Variants in UNG observed in about 807,000 individuals in gnomAD.
UNG encodes the protein uracil-DNA glycosylase.
In UNG, 34 loss-of-function variants were observed where a neutral mutation model predicts 36.5. The ratio of observed to expected loss-of-function variants is 0.93; its 90% confidence interval spans 0.71 to 1.24. UNG has a LOEUF of 1.24. Among genes scored for constraint, UNG ranks in the 50% most tolerant of loss-of-function variants. UNG has a pLI of 0.00. For synonymous variants in UNG, 172 were observed against 157.8 expected (o/e 1.09, Z -0.67); for missense variants, 391 against 397.6 (o/e 0.98, Z 0.14).
At position 109,109,895 on chromosome 12, in the gene UNG, T is replaced by G. The variant is rs749817306; in HGVS notation, c.868T>G (p.Cys290Gly). Reference sequence around the variant, plus strand: ...GTCAGTGTATAGAGGGTTCTTTGGATGTAGACACTTTTCAAAGACCAATGA... The same window carrying G: ...GTCAGTGTATAGAGGGTTCTTTGGAGGTAGACACTTTTCAAAGACCAATGA... Reference protein sequence around the residue: ...PLSVYRGFFGCRHFSKTNELL... With the variant: ...PLSVYRGFFGGRHFSKTNELL... The change falls in exon 7 of 7, where the codon TGT (cysteine) becomes GGT (glycine). Residue 290 changes from cysteine (C) to glycine (G), a missense_variant. Coordinates refer to ENST00000242576, the MANE Select transcript of UNG (RefSeq NM_080911.3). 1.2e-6 allele frequency: 2 copies of G among 1,614,120 alleles called. No individual in the cohort carries two copies. The highest frequency in any genetic ancestry group is 1.7e-6 in the Non-Finnish European group (2 of 1,180,026).
At chr12:109,107,308 C>T (rs948501099) in intron 6 of UNG, among the ~76,000 whole-genome samples, 6 of 152,218 alleles carry the variant, frequency 3.9e-5, no homozygotes, top group African/African-American at 1.4e-4. Context: ...TCAAGCAATC[C>T]TCCCACCTTA....
At chr12:109,102,808 GT>G in intron 4 of UNG, 30 bp from the exon 5 acceptor site, 1 of 1,549,438 alleles carries the variant, frequency 6.5e-7, no homozygotes, top group Non-Finnish European at 8.9e-7. Flanking sequence ...TTAAGATTCT[GT>G]TTTTTGTTTT....
intron 3 of UNG, among the ~76,000 whole-genome samples, chr12:109,101,561 T>A (rs1301421778): frequency 1.3e-5 from 2 of 151,328 alleles, no homozygotes; most frequent in African/African-American, 4.9e-5. Context: ...AAAAAAAAAA[T>A]TAGGTGGGCA....
chr12:109,108,114 A>G (rs1262155951), intron 6 of UNG, among the ~76,000 whole-genome samples: 1 of 152,194 alleles, frequency 6.6e-6, no homozygotes, highest in Non-Finnish European at 1.5e-5. Flanking sequence ...GTGGTTTTAC[A>G]TTGTAAGAAC....
chr12:109,102,841 TG>T lies in UNG; in HGVS notation c.538del (p.Glu180ArgfsTer11). 1 of 1,613,268 alleles carries T rather than the reference TG, an allele frequency of 6.2e-7. No individual in the cohort carries two copies. The highest frequency in any genetic ancestry group is 8.5e-7 in the Non-Finnish European group (1 of 1,179,232). On this transcript the variant is annotated frameshift_variant, in exon 5 of 7. Transcript: ENST00000242576. LOFTEE classifies it high-confidence loss of function. The part of the protein sequence containing the change: ...VQRPVPPPPS[L>X]ENIYKELSTD... The stretch of plus-strand genomic sequence containing the variant: ...TTTTTCTTGTGGCTTGCTTTCAGTT[TG>T]GAGAACATTTATAAAGAGTTGTCTA...
intron 6 of UNG, among the ~76,000 whole-genome samples, chr12:109,103,907 A>G (rs1205111547): frequency 6.6e-6 from 1 of 152,170 alleles, no homozygotes; most frequent in Non-Finnish European, 1.5e-5. Flanking sequence ...GTCCCTGGGT[A>G]CCATTCACTT....
intron 1 of UNG, 35 bp downstream of exon 1, chr12:109,097,846 A>C: frequency 6.7e-7 from 1 of 1,491,900 alleles, no homozygotes; most frequent in Non-Finnish European, 8.9e-7. Flanking sequence ...TAGGGGGTGA[A>C]GGGGGAGGAA....
intron 6 of UNG, among the ~76,000 whole-genome samples, chr12:109,106,000 G>A (rs1422839091): frequency 6.6e-6 from 1 of 152,122 alleles, no homozygotes; most frequent in African/African-American, 2.4e-5. Flanking sequence ...ACTTTTTCAC[G>A]GTGCCCCACT....
Position 109,098,127 on chromosome 12 carries a change from C to CGTGGGGACGCGGTGGG in UNG, c.133-303_133-288dup. On this transcript the variant is annotated intron_variant, in intron 1 of 6. Transcript: ENST00000242576. ...GAGGTTTTTTGCCGCGAAAAGACCACGTGGGGACGCGGTGGGGCGGGTCTG... is the reference window on the plus strand; with the variant it reads ...GAGGTTTTTTGCCGCGAAAAGACCACGTGGGGACGCGGTGGGGTGGGGACGCGGTGGGGCGGGTCTG... 4 of 1,355,038 alleles carry CGTGGGGACGCGGTGGG rather than the reference C, an allele frequency of 3.0e-6. No homozygotes were observed. The South Asian group carries it at 7.4e-5, about 25-fold the overall frequency. 83.9% of individuals were successfully genotyped at this position (1,355,038 alleles called of 1,614,324 possible).
chr12:109,105,870 G>A lies in UNG; in HGVS notation c.801+2259G>A, dbSNP rs1408001468. Among the ~76,000 whole-genome samples, 6 of 152,324 alleles carry A rather than the reference G, an allele frequency of 3.9e-5. No individual in the cohort carries two copies. The East Asian group carries it at 1.2e-3, about 29-fold the overall frequency. ...GGTTCTGATGCTTTCTCCCTGGAAGGCCTTGCCTTAGGCTGAAGATCTGAT... is the reference window on the plus strand; with the variant it reads ...GGTTCTGATGCTTTCTCCCTGGAAGACCTTGCCTTAGGCTGAAGATCTGAT... On this transcript the variant is annotated intron_variant, in intron 6 of 6. Coordinates refer to ENST00000242576, the MANE Select transcript of UNG (RefSeq NM_080911.3).
At position 109,103,608 on chromosome 12, in the gene UNG, T is replaced by C. The variant is rs2042195699; in HGVS notation, c.798T>C (p.Asp266=). 1 of 1,611,376 alleles carries C rather than the reference T, an allele frequency of 6.2e-7. No individual in the cohort carries two copies. Among genetic ancestry groups the C allele is most frequent in the South Asian group, 1.1e-5 (1 of 90,752 alleles). The change falls in exon 6 of 7, where the codon GAT becomes GAC. Residue 266 remains aspartate (D), a synonymous_variant. Transcript: ENST00000242576. The part of the protein sequence containing the change: ...SYAQKKGSAI[D]RKRHHVLQTA... Reference sequence around the variant, plus strand: ...CTCAGAAGAAGGGCAGTGCCATTGATAGGGTATGTTTTGTTTTCTTTCTTT... The same window carrying C: ...CTCAGAAGAAGGGCAGTGCCATTGACAGGGTATGTTTTGTTTTCTTTCTTT...
chr12:109,103,279 G>A (rs889506713), intron 5 of UNG, among the ~76,000 whole-genome samples, 154 bp from the exon 6 acceptor site: 1 of 152,142 alleles, frequency 6.6e-6, no homozygotes, highest in Non-Finnish European at 1.5e-5. Context: ...TGATGGTAGT[G>A]GCTGCTGCCA....
chr12:109,107,655 A>G (rs2042228172), intron 6 of UNG, among the ~76,000 whole-genome samples: 1 of 149,000 alleles, frequency 6.7e-6, no homozygotes, highest in African/African-American at 2.5e-5. Flanking sequence ...CCTCCTGAGT[A>G]GCTGGGATTA....
chr12:109,098,183 C>T lies in UNG; in HGVS notation c.133-249C>T, dbSNP rs1476123978. 2.1e-6 allele frequency: 3 copies of T among 1,421,948 alleles called. No homozygotes were observed. In the Admixed American group the frequency reaches 8.7e-5, roughly 41 times the overall value. The allele number at this position is 1,421,948 out of a possible 1,614,324, so 88.1% of individuals were successfully genotyped here. A position where few individuals can be genotyped will look rare whatever the true frequency, so the allele number is the denominator to read the frequency against. ...GGCGGGGCACCTCTGTGCAGGGTTCCCAGTCACCGCGACGCTCCTCGGGAA... is the reference window on the plus strand; with the variant it reads ...GGCGGGGCACCTCTGTGCAGGGTTCTCAGTCACCGCGACGCTCCTCGGGAA... On this transcript the variant is annotated intron_variant, in intron 1 of 6. Transcript: ENST00000242576.
chr12:109,105,422 G>A (rs961957185), intron 6 of UNG, among the ~76,000 whole-genome samples: 2 of 152,128 alleles, frequency 1.3e-5, no homozygotes, highest in Non-Finnish European at 2.9e-5. Context: ...CAGTATATTG[G>A]TAATCTTTAA....
rs887933683 is a variant in UNG, at chr12:109,101,250, A to G, written c.436-652A>G. ...TGGGACTACAGGTGTGCGCCACCAC[A>G]CCCAGCTAATTTTTGTATTTTTAGT... On this transcript the variant is annotated intron_variant, in intron 3 of 6. Transcript: ENST00000242576. 3.9e-4 allele frequency among the ~76,000 whole-genome samples: 58 copies of G among 147,234 alleles called. 1 individual carries two copies. Among genetic ancestry groups the G allele is most frequent in the Admixed American group, 3.0e-3 (44 of 14,442 alleles).
chr12:109,105,206 A>G (rs987678800), intron 6 of UNG: 7 of 152,166 alleles, frequency 4.6e-5, no homozygotes, highest in African/African-American at 1.7e-4. Flanking sequence ...AAGCCACCGC[A>G]CCCGACCAGG....
rs1205349419 is a variant in UNG at position 109,097,789 on chromosome 12, C to T, written c.110C>T (p.Pro37Leu). ...CAGGGGACCGGCGTGGCTGGGGTGC[C>T]TGAGGAAAGCGGAGATGCGGCGGTG... is the stretch of plus-strand genomic sequence containing the variant. ...AVQGTGVAGVPEESGDAAAIP... is the reference protein window; with the variant it reads ...AVQGTGVAGVLEESGDAAAIP... The change falls in exon 1 of 7, where the codon CCT becomes CTT. Residue 37 changes from proline to leucine, a missense_variant. Physicochemically the swap from Pro to Leu is moderately conservative, Grantham distance 98 (BLOSUM62 -3). Transcript: ENST00000242576. 1 of 1,554,456 alleles carries T rather than the reference C, an allele frequency of 6.4e-7. No individual in the cohort carries two copies. The highest frequency in any genetic ancestry group is 8.7e-7 in the Non-Finnish European group (1 of 1,148,564).
Position 109,097,724 on chromosome 12 carries a change from C to G in UNG, c.45C>G (p.Pro15=). Residue 15 remains proline, a synonymous_variant, in exon 1 of 7, where the codon CCC becomes CCG. Coordinates refer to ENST00000242576, the MANE Select transcript of UNG (RefSeq NM_080911.3). ...TCTACTCCTTTTTCTCCCCCAGCCC[C>G]GCCAGGAAGCGACACGCCCCCAGCC... is the stretch of plus-strand genomic sequence containing the variant. ...KTLYSFFSPS[P]ARKRHAPSPE... The G allele has an allele frequency of 6.3e-7, 1 of 1,591,024 alleles. No individual in the cohort carries two copies. Among genetic ancestry groups the G allele is most frequent in the Non-Finnish European group, 8.6e-7 (1 of 1,169,014 alleles).
Sources: allele counts gnomAD v4.1 joint callset (sites outside exome capture counted in the v4.1 genomes callset), GRCh38; gene constraint gnomAD v4.1.1; transcripts MANE v1.5; gene names NCBI Gene and HGNC (gene_info 2026-07-23, HGNC 2026-07-21).